The following UTP18 variants were observed in gnomAD, a reference collection of about 807,000 sequenced individuals.
The protein encoded by UTP18 is U3 small nucleolar RNA-associated protein 18 homolog.
A neutral mutation model predicts 61.1 loss-of-function variants in UTP18; 36 were observed. That is an observed-to-expected ratio of 0.59 (90% CI 0.45 to 0.78). UTP18 has a LOEUF of 0.78. UTP18 is among the 30% of genes least tolerant of loss of function. The pLI is 0.00. For synonymous variants in UTP18, 282 were observed against 251.1 expected, an observed-to-expected ratio of 1.12 and a Z score of -1.16; for missense variants, 753 against 693.9, an observed-to-expected ratio of 1.09 and a Z score of -0.96.
At chr17:51,289,523 T>C (rs1044533890) in intron 11 of UTP18, among the ~76,000 whole-genome samples, 12 of 151,982 alleles carry the variant, frequency 7.9e-5, no homozygotes, top group Admixed American at 1.3e-4. Context: ...TTTCTAAGGA[T>C]AGCAGCCTTG....
At chr17:51,261,084 G>C (rs1251534402) in intron 1 of UTP18, among the ~76,000 whole-genome samples, 158 bp downstream of exon 1, 2 of 152,222 alleles carry the variant, frequency 1.3e-5, no homozygotes, top group Non-Finnish European at 2.9e-5. Flanking sequence ...GCAGCTGCGG[G>C]TCCCTCGCCT....
chr17:51,291,709 T>C (rs1052405748), intron 11 of UTP18, among the ~76,000 whole-genome samples: 13 of 148,600 alleles, frequency 8.7e-5, no homozygotes, highest in African/African-American at 3.2e-4. Flanking sequence ...TACTCCAGCC[T>C]GGGCAACAGA....
intron 11 of UTP18, among the ~76,000 whole-genome samples, chr17:51,292,347 A>G (rs1905260540): frequency 6.6e-6 from 1 of 152,264 alleles, no homozygotes; most frequent in Non-Finnish European, 1.5e-5. Flanking sequence ...TTGCCTTCAC[A>G]TTGATGCCAC....
chr17:51,261,952 A>G (rs1319443649), intron 1 of UTP18, among the ~76,000 whole-genome samples: 1 of 152,202 alleles, frequency 6.6e-6, no homozygotes, highest in South Asian at 2.1e-4. Context: ...GAAAAGGAAC[A>G]GTGTACGGAG....
At position 51,288,145 on chromosome 17, in the gene UTP18, A is replaced by G. The variant is rs776390129; in HGVS notation, c.1445A>G (p.Asn482Ser). 12 of 1,607,870 alleles carry G rather than the reference A, an allele frequency of 7.5e-6. No individual in the cohort carries two copies. The highest frequency in any genetic ancestry group is 2.2e-5 in the South Asian group (2 of 88,936). Residue 482 changes from asparagine (N) to serine (S), a missense_variant, in exon 11 of 14, where the codon AAT becomes AGT. By Grantham distance (46) the Asn-to-Ser change is conservative. Coordinates refer to ENST00000225298, the MANE Select transcript of UTP18 (RefSeq NM_016001.3). ...ACAGGTGTTACTTCTCTGACCTTCA[A>G]TCCTACTACAGAAATCTTGGCAATT... is the stretch of plus-strand genomic sequence containing the variant. ...LVTGVTSLTF[N>S]PTTEILAIAS...
chr17:51,268,014 GTT>G (rs895927915), intron 3 of UTP18, among the ~76,000 whole-genome samples: 215 of 127,054 alleles, frequency 1.7e-3, no homozygotes, highest in African/African-American at 6.3e-3. Context: ...TTTGTTTTTT[GTT>G]TTTTTTTTTT....
Position 51,260,663 on chromosome 17 carries a change from C to T in UTP18, c.79C>T (p.Pro27Ser), listed in dbSNP as rs770420550. 1.9e-6 allele frequency: 3 copies of T among 1,611,974 alleles called. No individual in the cohort carries two copies. The highest frequency in any genetic ancestry group is 2.7e-5 in the African/African-American group (2 of 74,900). The change falls in exon 1 of 14, where the codon CCG becomes TCG. Residue 27 changes from proline (P) to serine (S), a missense_variant. Physicochemically the swap from Pro to Ser is moderately conservative, Grantham distance 74 (BLOSUM62 -1). Coordinates refer to ENST00000225298, the MANE Select transcript of UTP18 (RefSeq NM_016001.3). Reference sequence around the variant, plus strand: ...GCCGAAGCGGAAGCCCGGAATGAGGCCGGACTGGAAAGCCGGAGCGGGGCC... The same window carrying T: ...GCCGAAGCGGAAGCCCGGAATGAGGTCGGACTGGAAAGCCGGAGCGGGGCC... ...AKPKRKPGMR[P>S]DWKAGAGPGG...
At chr17:51,295,100 C>G (rs1475330004) in intron 12 of UTP18, among the ~76,000 whole-genome samples, 1 of 152,002 alleles carries the variant, frequency 6.6e-6, no homozygotes, top group Non-Finnish European at 1.5e-5. Flanking sequence ...TGGATATTAG[C>G]CCTTTGTCAG....
chr17:51,273,185 ATTTTT>A (rs35339641), intron 4 of UTP18, among the ~76,000 whole-genome samples, 172 bp from the exon 5 acceptor site: 5 of 142,332 alleles, frequency 3.5e-5, no homozygotes, highest in Non-Finnish European at 7.7e-5. Context: ...CTCCTTTAAA[ATTTTT>A]TTTTTTTTTT....
rs1567701666 is a variant in UTP18 at position 51,275,939 on chromosome 17, G to A, written c.785G>A (p.Gly262Asp). ...ARISSVQFHPGAQIVMVAGLD... is the reference protein window; with the variant it reads ...ARISSVQFHPDAQIVMVAGLD... ...ATCTCATCTGTGCAGTTCCATCCCG[G>A]TGCACAGATTGTGATGGTTGCTGGA... is the stretch of plus-strand genomic sequence containing the variant. The change falls in exon 6 of 14, where the codon GGT becomes GAT. Residue 262 changes from glycine to aspartate, a missense_variant. Transcript: ENST00000225298. 1 of 1,612,836 alleles carries A rather than the reference G, an allele frequency of 6.2e-7. No homozygotes were observed. Among genetic ancestry groups the A allele is most frequent in the Non-Finnish European group, 8.5e-7 (1 of 1,179,604 alleles).
chr17:51,276,993 T>G (rs1904743797), intron 6 of UTP18, 137 bp from the exon 7 acceptor site: 3 of 820,606 alleles, frequency 3.7e-6, no homozygotes, highest in Non-Finnish European at 5.6e-6. Flanking sequence ...ATTAAATCAC[T>G]GGCCGTGGCT....
chr17:51,297,868 A>G lies in UTP18; in HGVS notation c.*101A>G. On this transcript the variant is annotated 3_prime_UTR_variant, in exon 14 of 14. Transcript: ENST00000225298. ...TGTGATAATATATGGAAAATGATTT[A>G]TAGATCCAGCTGTGCTTAAGAGCCA... 2.8e-6 allele frequency: 1 copy of G among 361,328 alleles called. No homozygotes were observed. The highest frequency in any genetic ancestry group is 2.1e-5 in the South Asian group (1 of 47,184). 22.4% of individuals were successfully genotyped at this position (361,328 alleles called of 1,614,324 possible).
chr17:51,295,123 C>G (rs1056873903), intron 12 of UTP18, among the ~76,000 whole-genome samples: 4 of 151,978 alleles, frequency 2.6e-5, no homozygotes, highest in African/African-American at 9.7e-5. Context: ...GAGTAGGTTG[C>G]GACAATTTTC....
intron 9 of UTP18, among the ~76,000 whole-genome samples, chr17:51,281,700 AG>A (rs1470388934): frequency 6.6e-6 from 1 of 152,174 alleles, no homozygotes; most frequent in African/African-American, 2.4e-5. Context: ...GTTGTCCTGT[AG>A]TTATGCAAAA....
intron 4 of UTP18, among the ~76,000 whole-genome samples, chr17:51,271,904 G>A (rs1252568592): frequency 1.3e-5 from 2 of 152,068 alleles, no homozygotes; most frequent in East Asian, 1.9e-4. Flanking sequence ...CTGACCTCAA[G>A]TGATCCACTT....
At position 51,272,589 on chromosome 17, in the gene UTP18, T is replaced by C. The variant is rs186242424; in HGVS notation, c.623-773T>C. On this transcript the variant is annotated intron_variant, in intron 4 of 13. Transcript: ENST00000225298. Reference sequence around the variant, plus strand: ...ATTAGATCTAGGATGATGGTTTATATGTTTACTTCTAGGTAGGTAGCTTGG... The same window carrying C: ...ATTAGATCTAGGATGATGGTTTATACGTTTACTTCTAGGTAGGTAGCTTGG... 8.9e-4 allele frequency among the ~76,000 whole-genome samples: 135 copies of C among 152,344 alleles called. 1 individual carries two copies. The highest frequency in any genetic ancestry group is 3.4e-3 in the Middle Eastern group (1 of 294).
At chr17:51,288,575 A>T (rs761133457) in intron 11 of UTP18, 3 of 457,662 alleles carry the variant, frequency 6.6e-6, no homozygotes, top group Non-Finnish European at 1.3e-5. Context: ...AACGGAGGCA[A>T]TTCTCGGGTT....
intron 3 of UTP18, 116 bp from the exon 4 acceptor site, chr17:51,268,721 G>A (rs1904396685): frequency 1.3e-6 from 1 of 785,562 alleles, no homozygotes; most frequent in African/African-American, 1.7e-5. Context: ...TTACTTCTTT[G>A]GAAGAGAGTC....
At chr17:51,262,106 T>A (rs938453532) in intron 1 of UTP18, among the ~76,000 whole-genome samples, 18 of 151,940 alleles carry the variant, frequency 1.2e-4, no homozygotes, top group South Asian at 1.0e-3. Flanking sequence ...TTTTTTTTTT[T>A]AGACTCGCCC....
Sources: allele counts gnomAD v4.1 joint callset (sites outside exome capture counted in the v4.1 genomes callset), GRCh38; gene constraint gnomAD v4.1.1; transcripts MANE v1.5; gene names NCBI Gene and HGNC (gene_info 2026-07-23, HGNC 2026-07-21).